The following CCDC125 variants were observed in gnomAD, a reference collection of about 807,000 sequenced individuals.
CCDC125 encodes coiled-coil domain containing 125, also known as coiled-coil domain-containing protein 125.
In CCDC125, 43 loss-of-function variants were observed where a neutral mutation model predicts 57.4. The observed-to-expected ratio is 0.75, with a 90% confidence interval of 0.59 to 0.97. The LOEUF (loss-of-function observed/expected upper bound fraction) is 0.97. Ranked by LOEUF, CCDC125 falls within the 50% of genes least tolerant of loss-of-function variation. The probability of loss-of-function intolerance (pLI) is 0.00; values close to 1 mark genes in which losing one functional copy is unlikely to be tolerated. For synonymous variants in CCDC125, 187 were observed against 195.2 expected (o/e 0.96, Z 0.35); for missense variants, 563 against 595.7 (o/e 0.95, Z 0.57).
At chr5:69,296,599 C>T (rs1213577441) in intron 8 of CCDC125, among the ~76,000 whole-genome samples, 1 of 151,938 alleles carries the variant, frequency 6.6e-6, no homozygotes, top group Non-Finnish European at 1.5e-5. Context: ...TATTTTTATA[C>T]TTGGTTGACC....
In CCDC125 at chr5:69,282,986, T is replaced by C. The variant is rs373547679; in HGVS notation, c.1279A>G (p.Met427Val). 88 of 1,607,462 alleles carry C rather than the reference T, an allele frequency of 5.5e-5. No individual in the cohort carries two copies. The highest frequency in any genetic ancestry group is 7.0e-5 in the Non-Finnish European group (82 of 1,177,778). The change falls in exon 12 of 12, where the codon ATG becomes GTG. Residue 427 changes from methionine (M) to valine (V), a missense_variant. Met to Val is a conservative substitution (Grantham distance 21). Transcript: ENST00000396496. Reference protein sequence around the residue: ...ALAHQRKVSYMLARALEDKDT... With the variant: ...ALAHQRKVSYVLARALEDKDT... ...TTGTCTTCCAATGCCCGAGCAAGCA[T>C]GTAGCTAACTTTTCTTTGATGAGCC...
downstream of CCDC125, among the ~76,000 whole-genome samples, chr5:69,277,663 A>G (rs912101708): frequency 6.6e-6 from 1 of 151,830 alleles, no homozygotes; most frequent in Non-Finnish European, 1.5e-5. Context: ...CCAGCTACTC[A>G]GGAGGCTGAG....
At chr5:69,305,499 G>A (rs896683385) in intron 6 of CCDC125, among the ~76,000 whole-genome samples, 6 of 152,122 alleles carry the variant, frequency 3.9e-5, no homozygotes, top group Admixed American at 6.6e-5. Flanking sequence ...GTAGAGAGCC[G>A]AAAGCCAGAG....
chr5:69,288,173 C>G (rs1753816647), intron 10 of CCDC125, among the ~76,000 whole-genome samples: 1 of 152,146 alleles, frequency 6.6e-6, no homozygotes, highest in Non-Finnish European at 1.5e-5. Flanking sequence ...CTAGGAGCAT[C>G]TGACACAGAG....
intron 2 of CCDC125, among the ~76,000 whole-genome samples, chr5:69,316,031 A>G (rs534602796): frequency 1.2e-4 from 19 of 152,268 alleles, no homozygotes; most frequent in African/African-American, 4.6e-4. Flanking sequence ...CTTTGAAAAA[A>G]TATTTCTCAA....
chr5:69,322,709 C>T (rs1008328732), intron 1 of CCDC125, among the ~76,000 whole-genome samples: 5 of 151,792 alleles, frequency 3.3e-5, no homozygotes, highest in South Asian at 4.2e-4. Context: ...ATTACAGGCA[C>T]GCGCCACCAC....
rs1299361754 is a variant in CCDC125 at position 69,314,001 on chromosome 5, A to G, written c.350T>C (p.Leu117Pro). Residue 117 changes from leucine to proline, a missense_variant, in exon 3 of 12, where the codon CTT becomes CCT. Transcript: ENST00000396496. ...ELSNEELRQC[L>P]NETLEEVEML... ...AGTACCTACCTCTAAAGTTTCATTA[A>G]GACATTGCCTTAATTCTTCATTTGA... is the stretch of plus-strand genomic sequence containing the variant. The G allele has an allele frequency of 5.0e-6, 8 of 1,609,526 alleles. No individual in the cohort carries two copies. Among genetic ancestry groups the G allele is most frequent in the Non-Finnish European group, 6.8e-6 (8 of 1,175,906 alleles).
At chr5:69,307,533 T>A (rs1757508665) in intron 5 of CCDC125, 1 of 164,042 alleles carries the variant, frequency 6.1e-6, no homozygotes, top group Non-Finnish European at 1.3e-5. Flanking sequence ...ATACAAAAAA[T>A]TGGCTGGGCG....
At position 69,282,590 on chromosome 5, in the gene CCDC125, T is replaced by C; in HGVS notation, c.*139A>G. Reference sequence around the variant, plus strand: ...GAAGAAAAAGAAAATGTAGAAAATATTTGATTTAAGTGACCTCCTAAAATT... The same window carrying C: ...GAAGAAAAAGAAAATGTAGAAAATACTTGATTTAAGTGACCTCCTAAAATT... On this transcript the variant is annotated 3_prime_UTR_variant, in exon 12 of 12. Transcript: ENST00000396496. 2 of 665,986 alleles carry C rather than the reference T, an allele frequency of 3.0e-6. No homozygotes were observed. The highest frequency in any genetic ancestry group is 2.9e-5 in the East Asian group (1 of 34,956). The allele number at this position is 665,986 out of a possible 1,614,324, so 41.3% of individuals were successfully genotyped here. A position where few individuals can be genotyped will look rare whatever the true frequency, so the allele number is the denominator to read the frequency against.
rs35499156 is a variant in CCDC125 at position 69,301,093 on chromosome 5, C to CAAAA, written c.701-970_701-967dup. ...TGGGCGACAGAGCAAGACTCCCTCT[C>CAAAA]AAAAAAAAAAAAAAAAAACCAGGTG... On this transcript the variant is annotated intron_variant, in intron 7 of 11. Transcript: ENST00000396496. Among the ~76,000 whole-genome samples the CAAAA allele has an allele frequency of 8.1e-5, 8 of 99,068 alleles. 1 individual carries two copies. Among genetic ancestry groups the CAAAA allele is most frequent in the South Asian group, 3.4e-4 (1 of 2,982 alleles). The allele number at this position is 99,068 out of a possible 152,430, so 65.0% of individuals were successfully genotyped here.
chr5:69,277,584 C>T (rs1421861458), downstream of CCDC125, among the ~76,000 whole-genome samples: 5 of 151,880 alleles, frequency 3.3e-5, no homozygotes, highest in Non-Finnish European at 7.4e-5. Flanking sequence ...CTGGCTAACA[C>T]GGTGAAACCC....
chr5:69,329,475 A>C (rs1477658660), intron 1 of CCDC125, among the ~76,000 whole-genome samples: 1 of 146,854 alleles, frequency 6.8e-6, no homozygotes, highest in Non-Finnish European at 1.5e-5. Context: ...GGTGTGAGCC[A>C]CCATGCCCAG....
rs142871113 is a variant in CCDC125, at chr5:69,324,184, A to G, written c.-40-3604T>C. Among the ~76,000 whole-genome samples the G allele has an allele frequency of 1.9e-3, 291 of 152,268 alleles. 6 individuals carry two copies. The highest frequency in any genetic ancestry group is 0.016 in the Admixed American group (237 of 15,282). Reference sequence around the variant, plus strand: ...CATTTTTAGGATCAAAATGCCATATATTTTCAATGTTAAAAACAAATACCC... The same window carrying G: ...CATTTTTAGGATCAAAATGCCATATGTTTTCAATGTTAAAAACAAATACCC... On this transcript the variant is annotated intron_variant, in intron 1 of 11. Transcript: ENST00000396496.
chr5:69,314,174 A>G (rs972159261), intron 2 of CCDC125, 128 bp from the exon 3 acceptor site: 3 of 671,626 alleles, frequency 4.5e-6, no homozygotes, highest in African/African-American at 3.6e-5. Flanking sequence ...GAAGAGAATT[A>G]TAATAGAACA....
intron 4 of CCDC125, 159 bp from the exon 5 acceptor site, chr5:69,308,187 AG>A (rs1757635729): frequency 8.1e-6 from 5 of 613,836 alleles, no homozygotes; most frequent in Non-Finnish European, 1.4e-5. Flanking sequence ...ATAGTTCAAA[AG>A]TCAGGAGATC....
rs1268478050 is a variant in CCDC125 at position 69,286,216 on chromosome 5, AT to A, written c.1100-750del. Among the ~76,000 whole-genome samples, 15 of 123,114 alleles carry A rather than the reference AT, an allele frequency of 1.2e-4. 1 individual carries two copies. Among genetic ancestry groups the A allele is most frequent in the African/African-American group, 4.5e-4 (15 of 33,158 alleles). The allele number at this position is 123,114 out of a possible 152,430, so 80.8% of individuals were successfully genotyped here. A position where few individuals can be genotyped will look rare whatever the true frequency, so the allele number is the denominator to read the frequency against. ...TATATATATATATATATATATATAT[AT>A]ATATATATATATATATAATTTTTTT... is the stretch of plus-strand genomic sequence containing the variant. On this transcript the variant is annotated intron_variant, in intron 10 of 11. Transcript: ENST00000396496.
chr5:69,276,081 G>T (rs1752106221), downstream of CCDC125, among the ~76,000 whole-genome samples: 1 of 152,124 alleles, frequency 6.6e-6, no homozygotes, highest in African/African-American at 2.4e-5. Context: ...CCAGGCTGGA[G>T]TGCAGTGGTG....
intron 7 of CCDC125, among the ~76,000 whole-genome samples, chr5:69,301,286 C>T (rs1231538982): frequency 2.6e-5 from 4 of 151,960 alleles, no homozygotes; most frequent in South Asian, 2.1e-4. Flanking sequence ...TGTGATTTGT[C>T]CTCTTCAAGC....
intron 1 of CCDC125, among the ~76,000 whole-genome samples, chr5:69,325,333 A>AAG: frequency 6.6e-6 from 1 of 151,756 alleles, no homozygotes; most frequent in East Asian, 1.9e-4. Context: ...CTCAAAAAAA[A>AAG]AAAAAAAAAA....
Sources: gnomAD v4.1 joint callset for allele counts (sites outside exome capture counted in the v4.1 genomes callset) on GRCh38, gnomAD v4.1.1 for gene constraint, MANE v1.5 for transcripts, NCBI Gene and HGNC (gene_info 2026-07-23, HGNC 2026-07-21) for gene names.